Variants in TP53AIP1 observed in about 807,000 individuals in gnomAD.
The protein encoded by TP53AIP1 is tumor protein p53 regulated apoptosis inducing protein 1, also known as p53-regulated apoptosis-inducing protein 1.
Under a neutral mutation model 9.5 loss-of-function variants are expected in TP53AIP1, and 14 were observed. The ratio of observed to expected loss-of-function variants is 1.47; its 90% confidence interval spans 0.97 to 2.30. The LOEUF (loss-of-function observed/expected upper bound fraction) is 2.30, where lower values mean the gene tolerates loss of function less well. Among genes scored for constraint, TP53AIP1 ranks in the 30% most tolerant of loss-of-function variants. TP53AIP1 has a pLI of 0.00. For synonymous variants in TP53AIP1, 73 were observed against 61.2 expected (o/e 1.19, Z -0.90); for missense variants, 153 against 146.7 (o/e 1.04, Z -0.22).
chr11:128,936,745 A>C, intron 2 of TP53AIP1, 96 bp from the exon 3 acceptor site: 1 of 1,460,546 alleles, frequency 6.8e-7, no homozygotes, highest in Admixed American at 2.6e-5. Context: ...TATTCATGGC[A>C]TCCAGGGGCA....
chr11:128,937,313 G>A lies in TP53AIP1; in HGVS notation c.141+365C>T. ...CTGCACCCCAGCCTTCCCTCCCCAT[G>A]CGCTCCACATGCGTCCTTTGTTCAG... On this transcript the variant is annotated intron_variant, in intron 2 of 3. Transcript: ENST00000531399. The surrounding 1 kb of genome is among the most constrained non-coding windows in gnomAD (Gnocchi z 4.8). 1 of 1,377,784 alleles carries A rather than the reference G, an allele frequency of 7.3e-7. No homozygotes were observed. Among genetic ancestry groups the A allele is most frequent in the Non-Finnish European group, 9.4e-7 (1 of 1,069,370 alleles). The allele number at this position is 1,377,784 out of a possible 1,614,324, so 85.3% of individuals were successfully genotyped here. A position where few individuals can be genotyped will look rare whatever the true frequency, so the allele number is the denominator to read the frequency against.
intron 1 of TP53AIP1, among the ~76,000 whole-genome samples, chr11:128,940,342 G>A: frequency 6.6e-6 from 1 of 152,240 alleles, no homozygotes; most frequent in East Asian, 1.9e-4. Context: ...TCAGGCAGAA[G>A]CAGCCTTAGA....
At position 128,936,648 on chromosome 11, in the gene TP53AIP1, A is replaced by G. The variant is rs760690489; in HGVS notation, c.143T>C (p.Val48Ala). The G allele has an allele frequency of 6.3e-6, 10 of 1,578,768 alleles. No individual in the cohort carries two copies. The East Asian group carries it at 1.8e-4, about 29-fold the overall frequency. Residue 48 changes from valine to alanine, a missense_variant and splice_region_variant, in exon 3 of 4, where the codon GTT becomes GCT. By Grantham distance (64) the Val-to-Ala change is moderately conservative. Transcript: ENST00000531399. ...GRAQTHTPGW[V>A]SDPLVLGAQV... ...GGCACCCAAAACTAAGGGATCTGAA[A>G]CCTGAGAGGAAATGGAAGCAGACTG... is the stretch of plus-strand genomic sequence containing the variant.
chr11:128,935,720 G>C lies in TP53AIP1; in HGVS notation c.254-8C>G. ...AGAGACCTAGACCAAGGCCTCAGTA[G>C]GGAGGGAGAGAATTTACTCTTTGCA... On this transcript the variant is annotated splice_polypyrimidine_tract_variant and splice_region_variant and intron_variant, in intron 3 of 3. Transcript: ENST00000531399. 1 of 1,554,686 alleles carries C rather than the reference G, an allele frequency of 6.4e-7. No homozygotes were observed. Among genetic ancestry groups the C allele is most frequent in the Non-Finnish European group, 8.6e-7 (1 of 1,158,634 alleles).
intron 2 of TP53AIP1, 181 bp from the exon 3 acceptor site, chr11:128,936,830 G>T (rs912950679): frequency 3.5e-6 from 5 of 1,421,412 alleles, no homozygotes; most frequent in South Asian, 1.5e-5. Flanking sequence ...GGAACAAAAG[G>T]CTCCTCAAGG....
rs1944842932 is a variant in TP53AIP1, at chr11:128,937,236, A to G, written c.141+442T>C. On this transcript the variant is annotated intron_variant, in intron 2 of 3. Coordinates refer to ENST00000531399, the MANE Select transcript of TP53AIP1 (RefSeq NM_022112.3). The surrounding 1 kb of genome is among the most constrained non-coding windows in gnomAD (Gnocchi z 4.8). ...GTAAGTGACTGGTGCTCCGAGGCCCATCTGGACAAAAGCAGGATCCGGGGT... is the reference window on the plus strand; with the variant it reads ...GTAAGTGACTGGTGCTCCGAGGCCCGTCTGGACAAAAGCAGGATCCGGGGT... 1 of 1,255,590 alleles carries G rather than the reference A, an allele frequency of 8.0e-7. No individual in the cohort carries two copies. The highest frequency in any genetic ancestry group is 1.0e-6 in the Non-Finnish European group (1 of 999,272). The allele number at this position is 1,255,590 out of a possible 1,614,324, so 77.8% of individuals were successfully genotyped here.
At position 128,935,413 on chromosome 11, in the gene TP53AIP1, G is replaced by A. The variant is rs1270240273; in HGVS notation, c.*178C>T. On this transcript the variant is annotated 3_prime_UTR_variant, in exon 4 of 4. Coordinates refer to ENST00000531399, the MANE Select transcript of TP53AIP1 (RefSeq NM_022112.3). ...TTCAGATTTGGGGATACAGAAGGAT[G>A]CAAAATGAGGCAACCTAGCCACCCA... 2 of 1,417,326 alleles carry A rather than the reference G, an allele frequency of 1.4e-6. No individual in the cohort carries two copies. Among genetic ancestry groups the A allele is most frequent in the African/African-American group, 2.9e-5 (2 of 69,390 alleles). 87.8% of individuals were successfully genotyped at this position (1,417,326 alleles called of 1,614,324 possible).
chr11:128,940,931 C>T (rs543353697), intron 1 of TP53AIP1, among the ~76,000 whole-genome samples: 12 of 152,256 alleles, frequency 7.9e-5, no homozygotes, highest in Non-Finnish European at 1.3e-4. Context: ...AGAGAGGAGG[C>T]GGTGAGATCA....
chr11:128,936,474 A>T lies in TP53AIP1; in HGVS notation c.253+64T>A, dbSNP rs1165332366. The T allele has an allele frequency of 1.4e-5, 20 of 1,478,878 alleles. No individual in the cohort carries two copies. The South Asian group carries it at 2.5e-4, about 19-fold the overall frequency. 91.6% of individuals were successfully genotyped at this position (1,478,878 alleles called of 1,614,324 possible). A position where few individuals can be genotyped will look rare whatever the true frequency, so the allele number is the denominator to read the frequency against. ...GTCGTTACCTGGATTTATCGAGAGG[A>T]CATCAAATCACTTAATTCTATCACG... On this transcript the variant is annotated intron_variant, in intron 3 of 3. Transcript: ENST00000531399.
chr11:128,936,456 C>A (rs1026139716), intron 3 of TP53AIP1, 82 bp downstream of exon 3: 39 of 1,451,190 alleles, frequency 2.7e-5, no homozygotes, highest in Non-Finnish European at 3.4e-5. Flanking sequence ...TATGTCGTTA[C>A]CTGGATTTAT....
At chr11:128,938,424 C>T (rs376704362) in intron 1 of TP53AIP1, among the ~76,000 whole-genome samples, 65 of 152,284 alleles carry the variant, frequency 4.3e-4, no homozygotes, top group African/African-American at 1.3e-3. Flanking sequence ...CTGTCCTGCT[C>T]TCTCTCCCAC....
At position 128,937,298 on chromosome 11, in the gene TP53AIP1, G is replaced by T; in HGVS notation, c.141+380C>A. The stretch of plus-strand genomic sequence containing the variant: ...AGCAGGCCCGGAGCCCTGCACCCCA[G>T]CCTTCCCTCCCCATGCGCTCCACAT... On this transcript the variant is annotated intron_variant, in intron 2 of 3. Coordinates refer to ENST00000531399, the MANE Select transcript of TP53AIP1 (RefSeq NM_022112.3). This position sits in a 1 kb window ranked among gnomAD's most constrained non-coding sequence, Gnocchi z 4.8. 1 of 1,359,130 alleles carries T rather than the reference G, an allele frequency of 7.4e-7. No homozygotes were observed. The highest frequency in any genetic ancestry group is 9.4e-7 in the Non-Finnish European group (1 of 1,059,368). The allele number at this position is 1,359,130 out of a possible 1,614,324, so 84.2% of individuals were successfully genotyped here. A position where few individuals can be genotyped will look rare whatever the true frequency, so the allele number is the denominator to read the frequency against.
Position 128,935,512 on chromosome 11 carries a change from C to T in TP53AIP1, c.*79G>A. 2.7e-6 allele frequency: 4 copies of T among 1,497,288 alleles called. No individual in the cohort carries two copies. Among genetic ancestry groups the T allele is most frequent in the South Asian group, 2.6e-5 (2 of 76,660 alleles). 92.8% of individuals were successfully genotyped at this position (1,497,288 alleles called of 1,614,324 possible). ...TGGAGCCATTTCTCGACGGTGCTTT[C>T]TGTTTGTTTGTTTGTTTTTGTTTTG... On this transcript the variant is annotated 3_prime_UTR_variant, in exon 4 of 4. Transcript: ENST00000531399.
At position 128,937,326 on chromosome 11, in the gene TP53AIP1, G is replaced by A. The variant is rs763199578; in HGVS notation, c.141+352C>T. On this transcript the variant is annotated intron_variant, in intron 2 of 3. Coordinates refer to ENST00000531399, the MANE Select transcript of TP53AIP1 (RefSeq NM_022112.3). This position sits in a 1 kb window ranked among gnomAD's most constrained non-coding sequence, Gnocchi z 4.8. The stretch of plus-strand genomic sequence containing the variant: ...TTCCCTCCCCATGCGCTCCACATGC[G>A]TCCTTTGTTCAGCCTCTCCATTTAG... 25 of 1,400,542 alleles carry A rather than the reference G, an allele frequency of 1.8e-5. No homozygotes were observed. The highest frequency in any genetic ancestry group is 6.8e-5 in the South Asian group (4 of 58,844). 86.8% of individuals were successfully genotyped at this position (1,400,542 alleles called of 1,614,324 possible).
chr11:128,937,267 C>A lies in TP53AIP1; in HGVS notation c.141+411G>T. The A allele has an allele frequency of 1.5e-6, 2 of 1,309,704 alleles. No homozygotes were observed. Among genetic ancestry groups the A allele is most frequent in the Non-Finnish European group, 1.9e-6 (2 of 1,031,614 alleles). The allele number at this position is 1,309,704 out of a possible 1,614,324, so 81.1% of individuals were successfully genotyped here. On this transcript the variant is annotated intron_variant, in intron 2 of 3. Transcript: ENST00000531399. This position sits in a 1 kb window ranked among gnomAD's most constrained non-coding sequence, Gnocchi z 4.8. ...ACAAAAGCAGGATCCGGGGTGGACG[C>A]AGAAGAGCAGGCCCGGAGCCCTGCA...
intron 1 of TP53AIP1, among the ~76,000 whole-genome samples, chr11:128,940,552 G>A (rs1944921190): frequency 6.6e-6 from 1 of 152,218 alleles, no homozygotes; most frequent in Admixed American, 6.5e-5. Context: ...TGTCCCTTCT[G>A]GAGGACGCAG....
Position 128,936,578 on chromosome 11 carries a change from C to A in TP53AIP1, c.213G>T (p.Ser71=). 6.3e-7 allele frequency: 1 copy of A among 1,586,630 alleles called. No homozygotes were observed. The highest frequency in any genetic ancestry group is 8.5e-7 in the Non-Finnish European group (1 of 1,174,378). Reference sequence around the variant, plus strand: ...CAGTTGCTGAGGACCAAGATCCAGACGAGACTGACAGAGCTTCTATTCCCC... The same window carrying A: ...CAGTTGCTGAGGACCAAGATCCAGAAGAGACTGACAGAGCTTCTATTCCCC... The part of the protein sequence containing the change: ...GCRGIEALSV[S]SGSWSSATVW... Residue 71 remains serine (S), a synonymous_variant, in exon 3 of 4, where the codon TCG becomes TCT. Coordinates refer to ENST00000531399, the MANE Select transcript of TP53AIP1 (RefSeq NM_022112.3).
At chr11:128,940,455 A>G (rs1271005934) in intron 1 of TP53AIP1, among the ~76,000 whole-genome samples, 1 of 152,210 alleles carries the variant, frequency 6.6e-6, no homozygotes, top group African/African-American at 2.4e-5. Context: ...CATGAATGGA[A>G]TCAGGTGTCC....
intron 1 of TP53AIP1, among the ~76,000 whole-genome samples, chr11:128,938,714 G>C (rs979998323): frequency 2.6e-5 from 4 of 152,122 alleles, no homozygotes; most frequent in African/African-American, 7.2e-5. Flanking sequence ...GGAATGGCAG[G>C]CCCCGTCCTT....
Sources: allele counts gnomAD v4.1 joint callset (sites outside exome capture counted in the v4.1 genomes callset), GRCh38; gene constraint gnomAD v4.1.1; non-coding constraint Gnocchi (gnomAD v3.1); transcripts MANE v1.5; gene names NCBI Gene and HGNC (gene_info 2026-07-23, HGNC 2026-07-21).